The following TOP6BL variants were observed in gnomAD, a reference collection of about 807,000 sequenced individuals.
The protein encoded by TOP6BL is TOP6B like initiator of meiotic double strand breaks.
the TOP6BL span, among the ~76,000 whole-genome samples, chr11:66,770,982 C>A: frequency 5.9e-5 from 9 of 152,068 alleles, no homozygotes; most frequent in East Asian, 1.7e-3. Context: ...ATGTTGGGTA[C>A]GCTATAAATT....
chr11:66,761,705 A>T, the TOP6BL span: 2 of 847,318 alleles, frequency 2.4e-6, no homozygotes, highest in Non-Finnish European at 3.9e-6. Context: ...AAGGAAATCC[A>T]TTAGGTGGTC....
chr11:66,757,588 C>G, the TOP6BL span, among the ~76,000 whole-genome samples: 1 of 151,954 alleles, frequency 6.6e-6, no homozygotes, highest in Non-Finnish European at 1.5e-5. Context: ...GACTGAGGAA[C>G]TAAAATTTTT....
the TOP6BL span, chr11:66,756,286 T>C: frequency 9.0e-7 from 1 of 1,114,208 alleles, no homozygotes; most frequent in Non-Finnish European, 1.1e-6. Flanking sequence ...GTGTGGACTA[T>C]GAAACATACT....
the TOP6BL span, among the ~76,000 whole-genome samples, chr11:66,829,777 T>C: frequency 5.3e-5 from 8 of 152,064 alleles, no homozygotes; most frequent in Admixed American, 1.3e-4. Flanking sequence ...TAGTCCCAGC[T>C]ACTCGGGAGG....
At chr11:66,835,115 G>T in the TOP6BL span, among the ~76,000 whole-genome samples, 1 of 152,062 alleles carries the variant, frequency 6.6e-6, no homozygotes, top group Non-Finnish European at 1.5e-5. Flanking sequence ...CTTATCTGGG[G>T]GACCAGGTGA....
chr11:66,774,211 G>A, the TOP6BL span, among the ~76,000 whole-genome samples: 85 of 152,026 alleles, frequency 5.6e-4, no homozygotes, highest in African/African-American at 2.0e-3. Flanking sequence ...ATTGCTACTT[G>A]TCCCAACTCA....
chr11:66,825,187 G>A, the TOP6BL span, among the ~76,000 whole-genome samples: 6 of 151,450 alleles, frequency 4.0e-5, no homozygotes, highest in East Asian at 4.0e-4. Context: ...TATAAAAAAG[G>A]CCCCAGGCCG....
At chr11:66,838,553 C>A in the TOP6BL span, 1 of 1,012,572 alleles carries the variant, frequency 9.9e-7, no homozygotes, top group Non-Finnish European at 1.5e-6. Flanking sequence ...CAGCGGCGTC[C>A]TTCTGCAATT....
the TOP6BL span, chr11:66,758,465 C>G: frequency 6.6e-6 from 1 of 152,072 alleles, no homozygotes; most frequent in Admixed American, 6.6e-5. Context: ...GCACCCGCCA[C>G]CACGCCTGGA....
chr11:66,750,019 T>C, the TOP6BL span, among the ~76,000 whole-genome samples: 3 of 152,200 alleles, frequency 2.0e-5, no homozygotes, highest in Non-Finnish European at 2.9e-5. Flanking sequence ...GTATATATTC[T>C]AGATTTTCCT....
chr11:66,754,612 C>A, the TOP6BL span, among the ~76,000 whole-genome samples: 2 of 152,198 alleles, frequency 1.3e-5, no homozygotes, highest in African/African-American at 4.8e-5. Flanking sequence ...GGGGAACTTT[C>A]TCTTCTCTTC....
chr11:66,778,287 T>C, the TOP6BL span, among the ~76,000 whole-genome samples: 1 of 152,052 alleles, frequency 6.6e-6, no homozygotes, highest in Non-Finnish European at 1.5e-5. Flanking sequence ...TACAAATCCC[T>C]GAATTTCAGT....
chr11:66,807,634 T>C, the TOP6BL span, among the ~76,000 whole-genome samples: 1 of 151,198 alleles, frequency 6.6e-6, no homozygotes, highest in Non-Finnish European at 1.5e-5. Flanking sequence ...AGAGGAAGAG[T>C]TTCTGTGCCA....
At chr11:66,818,675 C>A in the TOP6BL span, among the ~76,000 whole-genome samples, 1 of 152,154 alleles carries the variant, frequency 6.6e-6, no homozygotes, top group Non-Finnish European at 1.5e-5. Flanking sequence ...GATTGTTAGG[C>A]TAGGCCCCAT....
chr11:66,759,122 G>A, the TOP6BL span: 1 of 1,422,150 alleles, frequency 7.0e-7, no homozygotes, highest in Non-Finnish European at 9.5e-7. Flanking sequence ...ACTTCCATGA[G>A]ACTGAATATC....
chr11:66,806,990 A>T, the TOP6BL span, among the ~76,000 whole-genome samples: 1 of 152,216 alleles, frequency 6.6e-6, no homozygotes, highest in Non-Finnish European at 1.5e-5. Context: ...TCATTCCATC[A>T]TCTAGAAGGG....
chr11:66,773,513 G>T, the TOP6BL span, among the ~76,000 whole-genome samples: 4 of 152,058 alleles, frequency 2.6e-5, no homozygotes, highest in East Asian at 7.7e-4. Flanking sequence ...TTACTCCCTG[G>T]TGTTGGTTAT....
chr11:66,834,163 A>G, the TOP6BL span, among the ~76,000 whole-genome samples: 178 of 152,348 alleles, frequency 1.2e-3, no homozygotes, highest in African/African-American at 3.9e-3. Context: ...GTTATAAATT[A>G]GGTCATAGTT....
chr11:66,834,218 T>C, the TOP6BL span, among the ~76,000 whole-genome samples: 2 of 152,200 alleles, frequency 1.3e-5, no homozygotes, highest in Admixed American at 1.3e-4. Flanking sequence ...ACTTTCATAA[T>C]TTGCCCAGAA....
Sources: gnomAD v4.1 joint callset for allele counts (sites outside exome capture counted in the v4.1 genomes callset) on GRCh38, gnomAD v4.1.1 for gene constraint, MANE v1.5 for transcripts, NCBI Gene and HGNC (gene_info 2026-07-23, HGNC 2026-07-21) for gene names.